SH3PXD2A: variants seen among roughly 807,000 people sequenced by gnomAD.
SH3PXD2A encodes SH3 and PX domain-containing protein 2A.
In SH3PXD2A, 32 loss-of-function variants were observed where a neutral mutation model predicts 115.2. That is an observed-to-expected ratio of 0.28 (90% confidence interval 0.21 to 0.37). The LOEUF (loss-of-function observed/expected upper bound fraction) is 0.37, where lower values mean the gene tolerates loss of function less well. Ranked by LOEUF, SH3PXD2A falls within the 10% of genes least tolerant of loss-of-function variation. SH3PXD2A has a pLI of 1.00. For missense variants in SH3PXD2A, 1,328 were observed against 1,498.7 expected, an observed-to-expected ratio of 0.89 and a Z score of 1.88; for synonymous variants, 610 against 629.1, an observed-to-expected ratio of 0.97 and a Z score of 0.45.
chr10:103,693,232 C>A (rs1396213782), intron 5 of SH3PXD2A, 176 bp from the exon 6 acceptor site: 1 of 152,080 alleles, frequency 6.6e-6, no homozygotes, highest in African/African-American at 2.5e-5. Flanking sequence ...GCCGCGCCCG[C>A]CCGCCCGCCC....
intron 2 of SH3PXD2A, among the ~76,000 whole-genome samples, chr10:103,783,196 A>G (rs1363085488): frequency 1.3e-5 from 2 of 152,228 alleles, no homozygotes; most frequent in Non-Finnish European, 2.9e-5. Context: ...GGGGGCAGGC[A>G]AGGAGTTTGG....
chr10:103,769,181 T>TGTGTGC (rs1554921417), intron 2 of SH3PXD2A, among the ~76,000 whole-genome samples: 38 of 113,002 alleles, frequency 3.4e-4, no homozygotes, highest in South Asian at 1.8e-3. Flanking sequence ...TGTGTGTGTG[T>TGTGTGC]GCGCGCGCGC....
intron 7 of SH3PXD2A, among the ~76,000 whole-genome samples, chr10:103,667,796 G>A (rs572958378): frequency 2.0e-5 from 3 of 152,310 alleles, no homozygotes; most frequent in Admixed American, 6.5e-5. Flanking sequence ...AAAAATGGAG[G>A]GGTCCCATAG....
intron 1 of SH3PXD2A, among the ~76,000 whole-genome samples, chr10:103,850,679 T>G (rs1021754682): frequency 6.6e-6 from 1 of 152,210 alleles, no homozygotes; most frequent in Non-Finnish European, 1.5e-5. Flanking sequence ...ACAGCTGCTC[T>G]GTGTTTATCT....
Position 103,616,461 on chromosome 10 carries a change from T to C in SH3PXD2A, c.920+736A>G, listed in dbSNP as rs372851860. Among the ~76,000 whole-genome samples the C allele has an allele frequency of 3.9e-5, 6 of 152,268 alleles. No individual in the cohort carries two copies. The East Asian group carries it at 1.2e-3, about 29-fold the overall frequency. ...AGAGCAGGGGTCCTGGAAGGGTAGG[T>C]CTTGGCCAGGTAATGGTGAGTGAAA... On this transcript the variant is annotated intron_variant, in intron 11 of 14. Transcript: ENST00000369774.
Position 103,662,351 on chromosome 10 carries a change from GGC to G in SH3PXD2A, c.473-1239_473-1238del, listed in dbSNP as rs1554908091. On this transcript the variant is annotated intron_variant, in intron 7 of 14. Coordinates refer to ENST00000369774, the MANE Select transcript of SH3PXD2A (RefSeq NM_001394015.1). ...CATCACCATTATTGGCGGGGGGGGGGGCGGGGGGGGATAAGACACTTAAAATA... is the reference window on the plus strand; with the variant it reads ...CATCACCATTATTGGCGGGGGGGGGGGGGGGGGGATAAGACACTTAAAATA... Among the ~76,000 whole-genome samples, 209 of 32,180 alleles carry G rather than the reference GGC, an allele frequency of 6.5e-3. 2 individuals are homozygous for G. The South Asian group carries it at 0.097, about 15-fold the overall frequency. The allele number at this position is 32,180 out of a possible 152,430, so 21.1% of individuals were successfully genotyped here. A position where few individuals can be genotyped will look rare whatever the true frequency, so the allele number is the denominator to read the frequency against.
chr10:103,797,442 T>C (rs1436403524), intron 2 of SH3PXD2A, among the ~76,000 whole-genome samples: 1 of 151,952 alleles, frequency 6.6e-6, no homozygotes, highest in Non-Finnish European at 1.5e-5. Flanking sequence ...CTTTCCCCAT[T>C]TCCGGTGAAC....
chr10:103,734,114 G>A (rs1376970831), intron 4 of SH3PXD2A, among the ~76,000 whole-genome samples: 5 of 152,112 alleles, frequency 3.3e-5, no homozygotes, highest in African/African-American at 1.2e-4. Context: ...GCTCAAAGAG[G>A]CAAAGCAGCT....
intron 5 of SH3PXD2A, among the ~76,000 whole-genome samples, chr10:103,713,159 C>T (rs1194565032): frequency 6.6e-6 from 1 of 152,162 alleles, no homozygotes; most frequent in African/African-American, 2.4e-5. Flanking sequence ...ACAGACGTGC[C>T]CAAACTCCAA....
At chr10:103,753,317 CAAA>C (rs60364879) in intron 3 of SH3PXD2A, among the ~76,000 whole-genome samples, 6 of 62,866 alleles carry the variant, frequency 9.5e-5, no homozygotes, top group African/African-American at 3.1e-4. Flanking sequence ...CTGCCTCTAC[CAAA>C]AAAAAAAAAA....
intron 2 of SH3PXD2A, among the ~76,000 whole-genome samples, chr10:103,767,451 G>A (rs1278812378): frequency 1.3e-5 from 2 of 152,194 alleles, no homozygotes; most frequent in African/African-American, 4.8e-5. Context: ...GCTGGGGTAG[G>A]GACCAGAGGC....
rs1202340788 is a variant in SH3PXD2A at position 103,796,569 on chromosome 10, G to A, written c.153+4713C>T. Among the ~76,000 whole-genome samples, 4 of 151,964 alleles carry A rather than the reference G, an allele frequency of 2.6e-5. No homozygotes were observed. In the East Asian group the frequency reaches 7.7e-4, roughly 29 times the overall value. On this transcript the variant is annotated intron_variant, in intron 2 of 14. Coordinates refer to ENST00000369774, the MANE Select transcript of SH3PXD2A (RefSeq NM_001394015.1). ...CCTTCCTCACGAGATGTAGACTCCT[G>A]GCAGGAAGAGACCTTGTCCTTCTCA...
intron 5 of SH3PXD2A, 41 bp from the exon 6 acceptor site, chr10:103,693,097 G>A (rs1164560578): frequency 6.2e-7 from 1 of 1,601,896 alleles, no homozygotes. Flanking sequence ...GTTAGGGCCG[G>A]GCGCGAGCGC....
chr10:103,728,889 G>GTTTTTTTTTT (rs199842369), intron 4 of SH3PXD2A, among the ~76,000 whole-genome samples: 10 of 142,884 alleles, frequency 7.0e-5, no homozygotes, highest in African/African-American at 2.7e-4. Context: ...TTTTTTGTTT[G>GTTTTTTTTTT]TTTGTTTGTT....
chr10:103,605,772 C>A, intron 14 of SH3PXD2A, 26 bp downstream of exon 14: 2 of 1,614,054 alleles, frequency 1.2e-6, no homozygotes, highest in Non-Finnish European at 1.7e-6. Context: ...GAGTTAAAAC[C>A]CTCGGCCTCA....
chr10:103,627,097 G>T lies in SH3PXD2A; in HGVS notation c.710C>A (p.Thr237Asn). The change falls in exon 9 of 15, where the codon ACT (threonine) becomes AAT (asparagine). Residue 237 changes from threonine (T) to asparagine (N), a missense_variant. Physicochemically the swap from Thr to Asn is moderately conservative, Grantham distance 65 (BLOSUM62 0). Transcript: ENST00000369774. The surrounding 1 kb of genome is among the most constrained non-coding windows in gnomAD (Gnocchi z 4.4). ...GACCTGCAAGCCCTCACCTTCTCCA[G>T]TCTTAGAGGTGTTGATGTCGGAGTC... ...RDDSDINTSK[T>N]GEVSKRRKAH... is the part of the protein sequence containing the mutation. The T allele has an allele frequency of 6.3e-7, 1 of 1,599,822 alleles. No homozygotes were observed. The highest frequency in any genetic ancestry group is 8.6e-7 in the Non-Finnish European group (1 of 1,166,922).
At chr10:103,625,281 C>T (rs1249895608) in intron 9 of SH3PXD2A, among the ~76,000 whole-genome samples, 1 of 152,270 alleles carries the variant, frequency 6.6e-6, no homozygotes, top group African/African-American at 2.4e-5. Context: ...CCGCTCTGAC[C>T]TTCCTGGTGC....
chr10:103,626,695 G>C (rs1311357432), intron 9 of SH3PXD2A, among the ~76,000 whole-genome samples: 2 of 151,842 alleles, frequency 1.3e-5, no homozygotes, highest in Non-Finnish European at 2.9e-5. Flanking sequence ...GGGAGGCCAA[G>C]GCATGTGGAT....
intron 9 of SH3PXD2A, among the ~76,000 whole-genome samples, chr10:103,622,773 T>C (rs376520299): frequency 2.6e-4 from 40 of 152,100 alleles, no homozygotes; most frequent in Non-Finnish European, 5.0e-4. Flanking sequence ...TCAACCAAAC[T>C]CCACAGCGTG....
Sources: allele counts gnomAD v4.1 joint callset (sites outside exome capture counted in the v4.1 genomes callset), GRCh38; gene constraint gnomAD v4.1.1; non-coding constraint Gnocchi (gnomAD v3.1); transcripts MANE v1.5; gene names NCBI Gene and HGNC (gene_info 2026-07-23, HGNC 2026-07-21).